Variants in FRY observed in about 807,000 individuals in gnomAD.
FRY encodes the protein protein furry homolog.
Under a neutral mutation model 348.4 loss-of-function variants are expected in FRY, and 128 were observed. The observed-to-expected ratio is 0.37, with a 90% CI of 0.32 to 0.43. The LOEUF is 0.43. Among genes scored for constraint, FRY ranks in the 20% least tolerant of loss-of-function variants. The pLI is 1.00. For missense variants in FRY, 2,736 were observed against 3,695.2 expected (o/e 0.74, Z 6.73); for synonymous variants, 1,370 against 1,374.7 (o/e 1.00, Z 0.08).
At chr13:32,217,354 GC>G (rs895490805) in intron 35 of FRY, among the ~76,000 whole-genome samples, 1 of 151,850 alleles carries the variant, frequency 6.6e-6, no homozygotes, top group Non-Finnish European at 1.5e-5. Flanking sequence ...CCACACCCTT[GC>G]CCTACCTTGT....
rs746920171 is a variant in FRY at position 32,261,717 on chromosome 13, A to G, written c.7518A>G (p.Gly2506=). 1.2e-6 allele frequency: 2 copies of G among 1,614,030 alleles called. No homozygotes were observed. The highest frequency in any genetic ancestry group is 1.1e-5 in the South Asian group (1 of 91,080). The part of the protein sequence containing the change: ...MQILEERQLS[G]STPSLNKMHH... ...TTCTGGAGGAGCGCCAACTGTCAGG[A>G]AGCACTCCTAGCCTGAATAAAATGC... Residue 2506 remains glycine, a synonymous_variant, in exon 52 of 61, where the codon GGA becomes GGG. Transcript: ENST00000542859.
chr13:32,035,941 G>A (rs1306082244), intron 1 of FRY, among the ~76,000 whole-genome samples: 1 of 152,170 alleles, frequency 6.6e-6, no homozygotes, highest in East Asian at 1.9e-4. Flanking sequence ...AGTGAGTTAA[G>A]TTGTAGTGAT....
intron 34 of FRY, among the ~76,000 whole-genome samples, chr13:32,211,996 C>T (rs1193058061): frequency 6.6e-6 from 1 of 152,226 alleles, no homozygotes; most frequent in Admixed American, 6.5e-5. Flanking sequence ...CAGGGCCAGC[C>T]ACTATAAATA....
intron 1 of FRY, among the ~76,000 whole-genome samples, chr13:32,040,576 C>G (rs1872708305): frequency 6.6e-6 from 1 of 152,216 alleles, no homozygotes; most frequent in Admixed American, 6.5e-5. Flanking sequence ...TGGTCAGCTT[C>G]TTGGACTGGC....
chr13:32,273,372 A>G lies in FRY; in HGVS notation c.8137-1470A>G, dbSNP rs547024615. ...CGAGTAGCTGGGACTACAGGCGCCCACCACCTCGCCCGGCTAATTTTTTGT... is the reference window on the plus strand; with the variant it reads ...CGAGTAGCTGGGACTACAGGCGCCCGCCACCTCGCCCGGCTAATTTTTTGT... On this transcript the variant is annotated intron_variant, in intron 55 of 60. Coordinates refer to ENST00000542859, the MANE Select transcript of FRY (RefSeq NM_023037.3). Among the ~76,000 whole-genome samples, 59 of 151,650 alleles carry G rather than the reference A, an allele frequency of 3.9e-4. No homozygotes were observed. The East Asian group carries it at 8.1e-3, about 21-fold the overall frequency.
intron 2 of FRY, among the ~76,000 whole-genome samples, chr13:32,088,671 T>TAGTAAA (rs111695458): frequency 0.55 from 83,626 of 151,316 alleles, 23,810 homozygotes; most frequent in Non-Finnish European, 0.62. Context: ...TACACCACCA[T>TAGTAAA]AGTTTGATTG....
At chr13:32,271,744 C>T (rs2138582156) in intron 55 of FRY, among the ~76,000 whole-genome samples, 1 of 152,300 alleles carries the variant, frequency 6.6e-6, no homozygotes, top group Non-Finnish European at 1.5e-5. Flanking sequence ...GCTGATGTGC[C>T]ATTTGTTGTC....
intron 51 of FRY, 100 bp downstream of exon 51, chr13:32,254,494 C>A: frequency 8.7e-7 from 1 of 1,143,072 alleles, no homozygotes; most frequent in Non-Finnish European, 1.3e-6. Flanking sequence ...GTAACAAGAT[C>A]TTTAATTGGA....
chr13:32,184,728 C>A, intron 25 of FRY, 37 bp downstream of exon 25: 1 of 1,179,900 alleles, frequency 8.5e-7, no homozygotes, highest in Non-Finnish European at 1.3e-6. Flanking sequence ...TCTCTTCTCA[C>A]CAGACTGATC....
At chr13:32,075,315 G>A (rs189688150) in intron 1 of FRY, among the ~76,000 whole-genome samples, 5 of 152,232 alleles carry the variant, frequency 3.3e-5, no homozygotes, top group Admixed American at 3.3e-4. Flanking sequence ...TGTGACAGCA[G>A]TCAAAGCCCT....
intron 29 of FRY, 33 bp from the exon 30 acceptor site, chr13:32,201,908 T>C (rs1183570284): frequency 2.6e-6 from 3 of 1,160,276 alleles, no homozygotes; most frequent in African/African-American, 1.5e-5. Context: ...TTATAAACCA[T>C]GCTTTTTTTG....
intron 35 of FRY, among the ~76,000 whole-genome samples, chr13:32,217,496 T>TC (rs966450944): frequency 6.6e-6 from 1 of 152,090 alleles, no homozygotes; most frequent in African/African-American, 2.4e-5. Context: ...TTTCTTTTGT[T>TC]CCCCCAAATA....
chr13:32,039,884 A>G (rs1442265913), intron 1 of FRY, among the ~76,000 whole-genome samples: 5 of 152,244 alleles, frequency 3.3e-5, no homozygotes, highest in Non-Finnish European at 7.3e-5. Flanking sequence ...AAGTGCTTTT[A>G]TCAACTCTAA....
At position 32,105,561 on chromosome 13, in the gene FRY, G is replaced by A. The variant is rs537419827; in HGVS notation, c.324+3545G>A. On this transcript the variant is annotated intron_variant, in intron 3 of 60. Coordinates refer to ENST00000542859, the MANE Select transcript of FRY (RefSeq NM_023037.3). ...TGGCATTAAACATTCAAATTATATA[G>A]TTTTATTCCAAACAGTAGGATTTTA... Among the ~76,000 whole-genome samples, 12 of 152,308 alleles carry A rather than the reference G, an allele frequency of 7.9e-5. No homozygotes were observed. In the South Asian group the frequency reaches 2.5e-3, roughly 32 times the overall value.
At chr13:32,034,702 G>A (rs561074208) in intron 1 of FRY, among the ~76,000 whole-genome samples, 1 of 152,122 alleles carries the variant, frequency 6.6e-6, no homozygotes, top group Admixed American at 6.6e-5. Context: ...ACAGTCAAAG[G>A]CTGCTCCCCA....
Position 32,185,105 on chromosome 13 carries a change from ACATTTTAGTG to A in FRY, c.3279_3288del (p.His1093GlnfsTer6). The A allele has an allele frequency of 6.2e-7, 1 of 1,614,170 alleles. No homozygotes were observed. The highest frequency in any genetic ancestry group is 8.5e-7 in the Non-Finnish European group (1 of 1,179,980). The stretch of plus-strand genomic sequence containing the variant: ...TTGAAATTCTTAAAGATATCCGGGC[ACATTTTAGTG>A]CAATGGTGGCCAACTTGATTCAGTG... On this transcript the variant is annotated frameshift_variant, in exon 26 of 61. Coordinates refer to ENST00000542859, the MANE Select transcript of FRY (RefSeq NM_023037.3). LOFTEE classifies it high-confidence loss of function.
intron 17 of FRY, among the ~76,000 whole-genome samples, chr13:32,164,355 A>G (rs1881611507): frequency 1.3e-5 from 2 of 151,934 alleles, no homozygotes; most frequent in Non-Finnish European, 2.9e-5. Context: ...TTTTTTCATA[A>G]TTGGTAAAAT....
At chr13:32,052,399 G>A (rs1475526555) in intron 1 of FRY, among the ~76,000 whole-genome samples, 16 of 152,232 alleles carry the variant, frequency 1.1e-4, no homozygotes, top group South Asian at 6.2e-4. Flanking sequence ...TATAAAAAGC[G>A]TTAATTGGTC....
chr13:32,135,100 G>T lies in FRY; in HGVS notation c.994G>T (p.Val332Leu), dbSNP rs765794519. The T allele has an allele frequency of 3.5e-5, 56 of 1,609,438 alleles. No individual in the cohort carries two copies. The highest frequency in any genetic ancestry group is 4.8e-5 in the Non-Finnish European group (56 of 1,175,882). Residue 332 changes from valine to leucine, a missense_variant, in exon 10 of 61, where the codon GTA becomes TTA. Val to Leu is a conservative substitution (Grantham distance 32, BLOSUM62 1). This residue lies in a region of FRY where 309 missense variants were observed against 418.1 expected (regional missense o/e 0.74). Coordinates refer to ENST00000542859, the MANE Select transcript of FRY (RefSeq NM_023037.3). ...TCTATTTCAGGCTGTTAAAAATGAA[G>T]TAAATGTTCCCTGCCTTAGAAATTT... is the stretch of plus-strand genomic sequence containing the variant. ...VPVAAAVKNE[V>L]NVPCLRNFVE...
Sources: allele counts gnomAD v4.1 joint callset (sites outside exome capture counted in the v4.1 genomes callset), GRCh38; gene constraint gnomAD v4.1.1; regional missense constraint gnomAD v4.1.1; transcripts MANE v1.5; gene names NCBI Gene and HGNC (gene_info 2026-07-23, HGNC 2026-07-21).